Variants in CLDN16 observed in about 807,000 individuals in gnomAD.
CLDN16 encodes claudin-16.
Under a neutral mutation model 24.6 loss-of-function variants are expected in CLDN16, and 13 were observed. That is an observed-to-expected ratio of 0.53 (90% CI 0.34 to 0.84). The LOEUF is 0.84. Ranked by LOEUF, CLDN16 falls within the 40% of genes least tolerant of loss-of-function variation. The pLI, the probability that CLDN16 is intolerant of heterozygous loss-of-function variation, is 0.01. For missense variants in CLDN16, 298 were observed against 292.7 expected, an observed-to-expected ratio of 1.02 and a Z score of -0.13; for synonymous variants, 116 against 106.7, an observed-to-expected ratio of 1.09 and a Z score of -0.54.
intron 1 of CLDN16, among the ~76,000 whole-genome samples, chr3:190,338,423 C>A (rs75174606): frequency 0.071 from 10,764 of 152,188 alleles, 565 homozygotes; most frequent in African/African-American, 0.14. Flanking sequence ...TTAATAGGGG[C>A]ATGGAGAAAT....
chr3:190,377,706 T>C (rs1718275101), intron 3 of CLDN16, among the ~76,000 whole-genome samples: 1 of 152,028 alleles, frequency 6.6e-6, no homozygotes, highest in Admixed American at 6.6e-5. Context: ...AAGCCCTTGC[T>C]AAGAGCAAGA....
the CLDN16 span, among the ~76,000 whole-genome samples, chr3:190,315,551 C>A: frequency 6.6e-6 from 1 of 152,184 alleles, no homozygotes; most frequent in African/African-American, 2.4e-5. Context: ...AGAGATCACA[C>A]AATCAATAAA....
chr3:190,363,541 C>CGTGTGT (rs202074908), intron 1 of CLDN16, among the ~76,000 whole-genome samples: 20 of 16,962 alleles, frequency 1.2e-3, no homozygotes, highest in African/African-American at 3.2e-3. Context: ...AGTTGCTGTG[C>CGTGTGT]GTGTGTGTGT....
intron 1 of CLDN16, among the ~76,000 whole-genome samples, chr3:190,349,238 C>T (rs1301927207): frequency 6.6e-6 from 1 of 152,130 alleles, no homozygotes; most frequent in Non-Finnish European, 1.5e-5. Flanking sequence ...TGAATTTCCC[C>T]TTGTTGTTCT....
At chr3:190,388,043 T>C (rs1041030100), upstream of CLDN16, 5 of 1,369,928 alleles carry the variant, frequency 3.6e-6, no homozygotes, top group Non-Finnish European at 5.1e-6. Flanking sequence ...GTTACAGAAC[T>C]CCTCTCTCCC....
chr3:190,381,923 C>G (rs1163118678), intron 3 of CLDN16, among the ~76,000 whole-genome samples: 1 of 151,716 alleles, frequency 6.6e-6, no homozygotes, highest in Non-Finnish European at 1.5e-5. Context: ...CTGACATTGA[C>G]TTCATGAGAG....
the CLDN16 span, among the ~76,000 whole-genome samples, chr3:190,316,974 A>G: frequency 1.4e-4 from 21 of 152,216 alleles, no homozygotes; most frequent in African/African-American, 4.6e-4. Flanking sequence ...ATTTTGATCT[A>G]TTTTTTAAAG....
intron 2 of CLDN16, chr3:190,374,480 T>C (rs1718207908): frequency 6.6e-6 from 1 of 151,934 alleles, no homozygotes; most frequent in Non-Finnish European, 1.5e-5. Flanking sequence ...TTGCTTCCCT[T>C]TCCTGCCCTA....
intron 1 of CLDN16, among the ~76,000 whole-genome samples, chr3:190,365,692 C>T (rs544000238): frequency 1.3e-5 from 2 of 151,396 alleles, no homozygotes; most frequent in South Asian, 2.1e-4. Context: ...TACTAATCTC[C>T]TTTTATTTAG....
chr3:190,294,305 G>A, the CLDN16 span, among the ~76,000 whole-genome samples: 1 of 152,278 alleles, frequency 6.6e-6, no homozygotes, highest in Middle Eastern at 3.4e-3. Flanking sequence ...TAAGCTGCTA[G>A]TATTAAATAA....
intron 1 of CLDN16, 148 bp from the exon 2 acceptor site, chr3:190,402,189 C>A: frequency 1.4e-6 from 1 of 704,404 alleles, no homozygotes; most frequent in Non-Finnish European, 2.6e-6. Context: ...TATTCTAATA[C>A]GCATTGTTTG....
intron 1 of CLDN16, among the ~76,000 whole-genome samples, chr3:190,369,840 G>T (rs1272887027): frequency 6.6e-6 from 1 of 151,846 alleles, no homozygotes; most frequent in East Asian, 1.9e-4. Flanking sequence ...ACCAGCCCTG[G>T]CTCTGTTTAG....
chr3:190,344,006 G>A (rs1717495660), intron 1 of CLDN16, among the ~76,000 whole-genome samples: 1 of 151,840 alleles, frequency 6.6e-6, no homozygotes, highest in African/African-American at 2.4e-5. Flanking sequence ...TATGTAAGAT[G>A]ATGGATTTGC....
chr3:190,410,279 C>G lies in CLDN16; in HGVS notation c.*243C>G. 1 of 497,082 alleles carries G rather than the reference C, an allele frequency of 2.0e-6. No homozygotes were observed. Among genetic ancestry groups the G allele is most frequent in the Non-Finnish European group, 3.6e-6 (1 of 276,316 alleles). The allele number at this position is 497,082 out of a possible 1,614,324, so 30.8% of individuals were successfully genotyped here. A position where few individuals can be genotyped will look rare whatever the true frequency, so the allele number is the denominator to read the frequency against. On this transcript the variant is annotated 3_prime_UTR_variant, in exon 5 of 5. Coordinates refer to ENST00000264734, the MANE Select transcript of CLDN16 (RefSeq NM_006580.4). Reference sequence around the variant, plus strand: ...ACTTTCCCTATATTTTAAGATAAGTCTGCTAGGATGTAGAAATATTTGTTT... The same window carrying G: ...ACTTTCCCTATATTTTAAGATAAGTGTGCTAGGATGTAGAAATATTTGTTT...
the CLDN16 span, among the ~76,000 whole-genome samples, chr3:190,291,721 T>G: frequency 3.9e-5 from 6 of 151,954 alleles, no homozygotes; most frequent in African/African-American, 1.5e-4. Context: ...ATAATAATAA[T>G]AATAATAATA....
intron 1 of CLDN16, among the ~76,000 whole-genome samples, chr3:190,336,356 G>A (rs1243199414): frequency 6.6e-6 from 1 of 152,298 alleles, no homozygotes; most frequent in Non-Finnish European, 1.5e-5. Flanking sequence ...AGATTCAGTG[G>A]CTTGCCACAT....
chr3:190,350,926 T>C (rs1366774099), intron 1 of CLDN16, among the ~76,000 whole-genome samples: 2 of 152,166 alleles, frequency 1.3e-5, no homozygotes, highest in African/African-American at 4.8e-5. Flanking sequence ...TGGTCTGTGA[T>C]ATGGTTTGGA....
chr3:190,297,132 G>C, the CLDN16 span, among the ~76,000 whole-genome samples: 376 of 151,654 alleles, frequency 2.5e-3, 1 homozygote, highest in Non-Finnish European at 3.4e-3. Flanking sequence ...ATTGTAGAGT[G>C]AGTAGTTTCA....
At chr3:190,314,955 G>C in the CLDN16 span, among the ~76,000 whole-genome samples, 3 of 152,130 alleles carry the variant, frequency 2.0e-5, no homozygotes, top group Non-Finnish European at 4.4e-5. Flanking sequence ...AGGTTTACCA[G>C]GAAGGAACTG....
Sources: allele counts gnomAD v4.1 joint callset (sites outside exome capture counted in the v4.1 genomes callset), GRCh38; gene constraint gnomAD v4.1.1; transcripts MANE v1.5; gene names NCBI Gene and HGNC (gene_info 2026-07-23, HGNC 2026-07-21).